ANO3: variants seen among roughly 807,000 people sequenced by gnomAD.
The protein encoded by ANO3 is anoctamin 3, also known as anoctamin-3.
A neutral mutation model predicts 144.8 loss-of-function variants in ANO3; 99 were observed. The ratio of observed to expected loss-of-function variants is 0.68; its 90% CI spans 0.58 to 0.81. The LOEUF (loss-of-function observed/expected upper bound fraction) is 0.81. Ranked by LOEUF, ANO3 falls within the 30% of genes least tolerant of loss-of-function variation. The pLI is 0.00. For missense variants in ANO3, 905 were observed against 1,202.2 expected, an observed-to-expected ratio of 0.75 and a Z score of 3.66; for synonymous variants, 414 against 392.6, an observed-to-expected ratio of 1.05 and a Z score of -0.64.
Position 26,643,169 on chromosome 11 carries a change from T to A in ANO3, c.2276-13T>A, listed in dbSNP as rs1197137031. ...AGTTTATATAGTAATTTCCTAATGC[T>A]CTTCTTTTGCAGTTTTGCAATTTGG... On this transcript the variant is annotated splice_polypyrimidine_tract_variant and intron_variant, in intron 22 of 26. Coordinates refer to ENST00000256737, the MANE Select transcript of ANO3 (RefSeq NM_031418.4). The A allele has an allele frequency of 6.2e-7, 1 of 1,613,184 alleles. No homozygotes were observed. Among genetic ancestry groups the A allele is most frequent in the Admixed American group, 1.7e-5 (1 of 59,856 alleles).
At chr11:26,206,325 T>C (rs151088259) in intron 1 of ANO3, among the ~76,000 whole-genome samples, 193 of 152,310 alleles carry the variant, frequency 1.3e-3, no homozygotes, top group African/African-American at 4.5e-3. Context: ...AAGTACTACA[T>C]GGTTATAATT....
chr11:26,277,181 T>C (rs915749499), intron 1 of ANO3, among the ~76,000 whole-genome samples: 1 of 152,142 alleles, frequency 6.6e-6, no homozygotes, highest in African/African-American at 2.4e-5. Flanking sequence ...TTAGTAACTA[T>C]TTTTGATGAA....
intron 1 of ANO3, among the ~76,000 whole-genome samples, chr11:26,340,793 C>T (rs911654870): frequency 3.9e-5 from 6 of 152,154 alleles, no homozygotes; most frequent in African/African-American, 4.8e-5. Flanking sequence ...GTTTTCCTAA[C>T]GCTATCTTCC....
intron 14 of ANO3, chr11:26,563,414 TGTGTGTG>T: frequency 2.2e-5 from 16 of 722,954 alleles, no homozygotes; most frequent in Non-Finnish European, 3.3e-5. Flanking sequence ...TGTGTGTGTG[TGTGTGTG>T]TGTGTGTGTG....
At chr11:26,410,014 A>G (rs1857389660) in intron 1 of ANO3, among the ~76,000 whole-genome samples, 2 of 151,984 alleles carry the variant, frequency 1.3e-5, no homozygotes, top group Admixed American at 1.3e-4. Flanking sequence ...GCCACATTCA[A>G]TACTTTCATG....
At chr11:26,208,512 C>CAAAAAAAAAAAAAAAAAAAAAA (rs67196052) in intron 1 of ANO3, among the ~76,000 whole-genome samples, 3 of 121,678 alleles carry the variant, frequency 2.5e-5, no homozygotes, top group African/African-American at 1.0e-4. Context: ...GACTCCGTCT[C>CAAAAAAAAAAAAAAAAAAAAAA]AAAAAAAAAA....
intron 1 of ANO3, among the ~76,000 whole-genome samples, chr11:26,368,182 G>A (rs1240544612): frequency 6.6e-6 from 1 of 152,170 alleles, no homozygotes; most frequent in African/African-American, 2.4e-5. Flanking sequence ...TTCCACCTGA[G>A]TGAGCAACAA....
At chr11:26,292,027 C>T (rs1853970363) in intron 1 of ANO3, among the ~76,000 whole-genome samples, 1 of 152,192 alleles carries the variant, frequency 6.6e-6, no homozygotes, top group African/African-American at 2.4e-5. Context: ...TCCATTCTTC[C>T]TGTCACTTTC....
At chr11:26,289,655 C>A (rs113396558) in intron 1 of ANO3, among the ~76,000 whole-genome samples, 5 of 79,790 alleles carry the variant, frequency 6.3e-5, no homozygotes, top group East Asian at 3.6e-4. Context: ...CACATATATT[C>A]TATATGTGTG....
chr11:26,226,349 T>G (rs1172066299), intron 1 of ANO3, among the ~76,000 whole-genome samples: 4 of 152,250 alleles, frequency 2.6e-5, no homozygotes, highest in Admixed American at 1.3e-4. Context: ...ATTACATTAT[T>G]TAAAAAATTT....
chr11:26,409,010 G>T (rs1331099708), intron 1 of ANO3, among the ~76,000 whole-genome samples: 3 of 151,626 alleles, frequency 2.0e-5, no homozygotes, highest in Non-Finnish European at 4.4e-5. Context: ...AGCATTAGGA[G>T]ATATACCTAA....
intron 6 of ANO3, among the ~76,000 whole-genome samples, chr11:26,520,925 G>T (rs975967895): frequency 2.0e-5 from 3 of 152,084 alleles, no homozygotes; most frequent in African/African-American, 7.2e-5. Context: ...GTTATAAATT[G>T]TATAGCCTTT....
At chr11:26,574,814 A>C (rs886128102) in intron 14 of ANO3, among the ~76,000 whole-genome samples, 13 of 152,262 alleles carry the variant, frequency 8.5e-5, no homozygotes, top group African/African-American at 2.9e-4. Context: ...GAAAGGTCAA[A>C]TATTCCATTT....
At chr11:26,412,172 A>C (rs1473950259) in intron 1 of ANO3, among the ~76,000 whole-genome samples, 1 of 152,070 alleles carries the variant, frequency 6.6e-6, no homozygotes, top group Non-Finnish European at 1.5e-5. Flanking sequence ...GCTAGCTTTT[A>C]ATATGAATTC....
At chr11:26,445,933 G>A (rs1858686886) in intron 3 of ANO3, among the ~76,000 whole-genome samples, 1 of 152,092 alleles carries the variant, frequency 6.6e-6, no homozygotes, top group Non-Finnish European at 1.5e-5. Flanking sequence ...CCAGGTTCAA[G>A]CGATTCTCCT....
chr11:26,194,448 G>GTGTGTGTATGTGTGTGTGTGTGTGTA (rs71047838), intron 1 of ANO3, among the ~76,000 whole-genome samples: 11 of 136,890 alleles, frequency 8.0e-5, no homozygotes, highest in African/African-American at 3.1e-4. Context: ...TGGTGTGTGT[G>GTGTGTGTATGTGTGTGTGTGTGTGTA]TGTGTGTGTG....
intron 24 of ANO3, among the ~76,000 whole-genome samples, chr11:26,654,554 A>G (rs1853626078): frequency 6.6e-6 from 1 of 152,152 alleles, no homozygotes; most frequent in Non-Finnish European, 1.5e-5. Flanking sequence ...TATGTGAATA[A>G]AGTCATATTT....
intron 14 of ANO3, among the ~76,000 whole-genome samples, chr11:26,576,082 G>C (rs1342254455): frequency 1.3e-5 from 2 of 152,180 alleles, no homozygotes; most frequent in African/African-American, 4.8e-5. Flanking sequence ...CTGGGGCTCT[G>C]TCTCTGGCTA....
At chr11:26,235,594 CTTTTTT>C (rs55765741) in intron 1 of ANO3, among the ~76,000 whole-genome samples, 2,245 of 139,716 alleles carry the variant, frequency 0.016, 44 homozygotes, top group East Asian at 0.13. Context: ...ACAATGTATA[CTTTTTT>C]TTTTTTTTTT....
Sources: allele counts gnomAD v4.1 joint callset (sites outside exome capture counted in the v4.1 genomes callset), GRCh38; gene constraint gnomAD v4.1.1; transcripts MANE v1.5; gene names NCBI Gene and HGNC (gene_info 2026-07-23, HGNC 2026-07-21).